Variants in LAMA4 observed in about 807,000 individuals in gnomAD.
LAMA4 encodes the protein laminin subunit alpha-4.
LAMA4 carries 127 observed loss-of-function variants against 207.1 expected under a neutral mutation model. That is an observed-to-expected ratio of 0.61 (90% CI 0.53 to 0.71). LAMA4 has a LOEUF of 0.71. LAMA4 is among the 30% of genes least tolerant of loss of function. The pLI, the probability that LAMA4 is intolerant of heterozygous loss-of-function variation, is 0.00. For synonymous variants in LAMA4, 761 were observed against 816.0 expected (o/e 0.93, Z 1.15); for missense variants, 2,093 against 2,246.5 (o/e 0.93, Z 1.38).
intron 38 of LAMA4, among the ~76,000 whole-genome samples, chr6:112,112,851 C>T (rs1777784083): frequency 6.6e-6 from 1 of 152,124 alleles, no homozygotes; most frequent in African/African-American, 2.4e-5. Flanking sequence ...CATTGTCTGT[C>T]TTTATGGGTC....
At chr6:112,121,736 CTT>C (rs1452110810) in intron 32 of LAMA4, 14 of 381,772 alleles carry the variant, frequency 3.7e-5, no homozygotes, top group Admixed American at 1.9e-4. Context: ...TCATTTGAAA[CTT>C]GCTCCATCTT....
At chr6:112,181,653 T>G (rs1176252167) in intron 9 of LAMA4, among the ~76,000 whole-genome samples, 2 of 152,222 alleles carry the variant, frequency 1.3e-5, no homozygotes, top group East Asian at 3.8e-4. Flanking sequence ...ATTTCACTAT[T>G]TCTTCCTTAG....
At chr6:112,241,138 A>T (rs868970914) in intron 2 of LAMA4, among the ~76,000 whole-genome samples, 11 of 46,360 alleles carry the variant, frequency 2.4e-4, no homozygotes, top group African/African-American at 4.2e-4. Flanking sequence ...AATATATAGG[A>T]ATATATATAT....
Position 112,144,901 on chromosome 6 carries a change from G to A in LAMA4, c.2386C>T (p.Leu796=). 6.2e-7 allele frequency: 1 copy of A among 1,614,004 alleles called. No homozygotes were observed. The change falls in exon 19 of 39, where the codon CTG becomes TTG. Residue 796 remains leucine, a synonymous_variant. Transcript: ENST00000230538. The stretch of plus-strand genomic sequence containing the variant: ...TGCTCAACCGTACGAAGCTGATCCA[G>A]GAGCTGAGGGACAACCTCGGTCAGA... ...RNLTEVVPQL[L]DQLRTVEQKR...
chr6:112,181,003 C>A (rs183755804), intron 9 of LAMA4, among the ~76,000 whole-genome samples: 1 of 152,174 alleles, frequency 6.6e-6, no homozygotes, highest in African/African-American at 2.4e-5. Flanking sequence ...GTAATCCATT[C>A]GTGTTCGTAG....
At chr6:112,241,312 G>A (rs535462106) in intron 2 of LAMA4, among the ~76,000 whole-genome samples, 13 of 150,706 alleles carry the variant, frequency 8.6e-5, no homozygotes, top group African/African-American at 2.7e-4. Context: ...ACTCCCCATT[G>A]TTACTGAGAT....
At chr6:112,249,917 C>A (rs1434271243) in intron 2 of LAMA4, among the ~76,000 whole-genome samples, 1 of 152,188 alleles carries the variant, frequency 6.6e-6, no homozygotes, top group Non-Finnish European at 1.5e-5. Flanking sequence ...TGGCACTTAC[C>A]TTGTAGCCAC....
intron 8 of LAMA4, among the ~76,000 whole-genome samples, chr6:112,187,103 C>A (rs1199650392): frequency 2.0e-5 from 3 of 152,164 alleles, no homozygotes; most frequent in Non-Finnish European, 4.4e-5. Context: ...CTTGCAGTAC[C>A]TTTTGTGGTA....
At chr6:112,185,816 G>T (rs1782651218) in intron 8 of LAMA4, among the ~76,000 whole-genome samples, 1 of 152,100 alleles carries the variant, frequency 6.6e-6, no homozygotes, top group Non-Finnish European at 1.5e-5. Context: ...CATTTTCGAG[G>T]AGTTGGGTCT....
chr6:112,144,970 C>T (rs1223285992), intron 18 of LAMA4, 37 bp from the exon 19 acceptor site: 2 of 1,535,780 alleles, frequency 1.3e-6, no homozygotes, highest in Non-Finnish European at 1.8e-6. Context: ...AAGAAAATAA[C>T]TCAATATTAT....
In LAMA4 at chr6:112,109,132, AT is replaced by A. The variant is rs1554320725; in HGVS notation, c.*304del. On this transcript the variant is annotated 3_prime_UTR_variant, in exon 39 of 39. Transcript: ENST00000230538. ...ACTTCAAAAATGTGTGCAAGTGTTT[AT>A]TTGGAATCCCTTCTATTTTATTAGA... is the stretch of plus-strand genomic sequence containing the variant. The A allele has an allele frequency of 2.6e-6, 1 of 381,240 alleles. No homozygotes were observed. The highest frequency in any genetic ancestry group is 4.9e-6 in the Non-Finnish European group (1 of 203,626). 23.6% of individuals were successfully genotyped at this position (381,240 alleles called of 1,614,324 possible). A position where few individuals can be genotyped will look rare whatever the true frequency, so the allele number is the denominator to read the frequency against.
At chr6:112,142,440 G>A (rs1779756721) in intron 19 of LAMA4, 148 bp from the exon 20 acceptor site, 1 of 778,616 alleles carries the variant, frequency 1.3e-6, no homozygotes, top group African/African-American at 1.7e-5. Flanking sequence ...TAGTTGAAGA[G>A]AAGACTTAGG....
In LAMA4 at chr6:112,119,084, A is replaced by AC. The variant is rs1331756726; in HGVS notation, c.4821+71_4821+72insG. 4.1e-6 allele frequency: 6 copies of AC among 1,480,556 alleles called. No individual in the cohort carries two copies. The African/African-American group carries it at 8.3e-5, about 21-fold the overall frequency. The allele number at this position is 1,480,556 out of a possible 1,614,324, so 91.7% of individuals were successfully genotyped here. A position where few individuals can be genotyped will look rare whatever the true frequency, so the allele number is the denominator to read the frequency against. Reference sequence around the variant, plus strand: ...CTAGTTTCTAGTTTCCTAATCTGTGAGACGAGGGCCTCAATTAGATGATCT... The same window carrying AC: ...CTAGTTTCTAGTTTCCTAATCTGTGACGACGAGGGCCTCAATTAGATGATCT... On this transcript the variant is annotated intron_variant, in intron 34 of 38. Transcript: ENST00000230538.
At position 112,202,677 on chromosome 6, in the gene LAMA4, A is replaced by G. The variant is rs114829147; in HGVS notation, c.423-989T>C. 4.6e-3 allele frequency among the ~76,000 whole-genome samples: 706 copies of G among 152,356 alleles called. 4 individuals are homozygous for G. Among genetic ancestry groups the G allele is most frequent in the African/African-American group, 0.016 (678 of 41,584 alleles). On this transcript the variant is annotated intron_variant, in intron 4 of 38. Coordinates refer to ENST00000230538, the MANE Select transcript of LAMA4 (RefSeq NM_001105206.3). ...TGCTTCTCAGTGAAAGGCAACACCCACAATTTATTTTCGCAAACAGTTGGG... is the reference window on the plus strand; with the variant it reads ...TGCTTCTCAGTGAAAGGCAACACCCGCAATTTATTTTCGCAAACAGTTGGG...
Position 112,207,042 on chromosome 6 carries a change from CA to C in LAMA4, c.400del (p.Cys134ValfsTer64). 1 of 1,613,888 alleles carries C rather than the reference CA, an allele frequency of 6.2e-7. No individual in the cohort carries two copies. Among genetic ancestry groups the C allele is most frequent in the South Asian group, 1.1e-5 (1 of 91,076 alleles). ...GAPQFCQPCPCPLPHLANFAE... is the reference protein window; with the variant it reads ...GAPQFCQPCPXPLPHLANFAE... ...TTACTTGGCCAAGTGGGGCAGGGGA[CA>C]GGGGCACGGCTGGCAGAATTGGGGT... On this transcript the variant is annotated frameshift_variant, in exon 4 of 39. Transcript: ENST00000230538. LOFTEE classifies it high-confidence loss of function.
At chr6:112,160,634 A>G (rs1267363028) in intron 13 of LAMA4, among the ~76,000 whole-genome samples, 1 of 152,116 alleles carries the variant, frequency 6.6e-6, no homozygotes, top group African/African-American at 2.4e-5. Flanking sequence ...GTGGTTTGCT[A>G]CAGTGTTGGC....
At chr6:112,190,693 A>C (rs1782966396) in intron 6 of LAMA4, among the ~76,000 whole-genome samples, 1 of 152,230 alleles carries the variant, frequency 6.6e-6, no homozygotes, top group Non-Finnish European at 1.5e-5. Flanking sequence ...AAAGTTTTCT[A>C]TGCTATCTTT....
chr6:112,187,471 G>A lies in LAMA4; in HGVS notation c.945C>T (p.Asn315=), dbSNP rs782772720. ...GTACTTTGAGGAGGTAGATGGTGGC[G>A]TTGATTTCATTCACGTGCCTATGAG... ...AAAHRHVNEI[N]ATIYLLKTKL... The change falls in exon 8 of 39, where the codon AAC becomes AAT. Residue 315 remains asparagine (N), a synonymous_variant. Coordinates refer to ENST00000230538, the MANE Select transcript of LAMA4 (RefSeq NM_001105206.3). 13 of 1,614,088 alleles carry A rather than the reference G, an allele frequency of 8.1e-6. 1 individual carries two copies. Among genetic ancestry groups the A allele is most frequent in the Admixed American group, 5.0e-5 (3 of 60,010 alleles).
Position 112,244,330 on chromosome 6 carries a change from G to T in LAMA4, c.195+9626C>A, listed in dbSNP as rs1447329955. 2.6e-5 allele frequency among the ~76,000 whole-genome samples: 4 copies of T among 152,296 alleles called. No individual in the cohort carries two copies. The South Asian group carries it at 8.3e-4, about 32-fold the overall frequency. ...CACCGTGACAGTTTACAAATGCCAT[G>T]AAATGTCTGGAAGTTACCCTATAAG... is the stretch of plus-strand genomic sequence containing the variant. On this transcript the variant is annotated intron_variant, in intron 2 of 38. Transcript: ENST00000230538.
Sources: allele counts gnomAD v4.1 joint callset (sites outside exome capture counted in the v4.1 genomes callset), GRCh38; gene constraint gnomAD v4.1.1; transcripts MANE v1.5; gene names NCBI Gene and HGNC (gene_info 2026-07-23, HGNC 2026-07-21).